The following RTN3 variants were observed in gnomAD, a reference collection of about 807,000 sequenced individuals.
RTN3 encodes reticulon 3.
Under a neutral mutation model 77.8 loss-of-function variants are expected in RTN3, and 49 were observed. The ratio of observed to expected loss-of-function variants is 0.63; its 90% CI spans 0.50 to 0.80. The LOEUF is 0.80. Ranked by LOEUF, RTN3 falls within the 30% of genes least tolerant of loss-of-function variation. The pLI is 0.00. For synonymous variants in RTN3, 464 were observed against 446.9 expected (o/e 1.04, Z -0.48); for missense variants, 1,236 against 1,211.9 (o/e 1.02, Z -0.29).
At chr11:63,703,894 A>C (rs941946565) in intron 1 of RTN3, among the ~76,000 whole-genome samples, 6 of 152,086 alleles carry the variant, frequency 3.9e-5, no homozygotes, top group African/African-American at 9.7e-5. Context: ...TATTCTTAGA[A>C]GTGTAACTGT....
At chr11:63,684,129 G>GTTTTTTT (rs61663789) in intron 1 of RTN3, among the ~76,000 whole-genome samples, 2 of 85,254 alleles carry the variant, frequency 2.3e-5, no homozygotes, top group Non-Finnish European at 2.0e-5. Context: ...TTTTCTTTTG[G>GTTTTTTT]TTTTTTTTTT....
intron 1 of RTN3, among the ~76,000 whole-genome samples, chr11:63,688,570 T>C (rs1266696206): frequency 6.6e-6 from 1 of 152,088 alleles, no homozygotes; most frequent in Non-Finnish European, 1.5e-5. Context: ...AATTCACAAG[T>C]AATGGAACCA....
chr11:63,738,143 T>C (rs2013251729), intron 3 of RTN3, among the ~76,000 whole-genome samples: 2 of 152,256 alleles, frequency 1.3e-5, no homozygotes, highest in Admixed American at 1.3e-4. Context: ...TCTGCATCTT[T>C]GTCTTTACAT....
chr11:63,681,800 C>A (rs747295910), intron 1 of RTN3, 22 bp downstream of exon 1: 1 of 1,535,656 alleles, frequency 6.5e-7, no homozygotes, highest in South Asian at 1.2e-5. Context: ...GGGGAGCCCC[C>A]GCCCTGGGAA....
intron 1 of RTN3, among the ~76,000 whole-genome samples, chr11:63,693,518 T>C (rs1002577696): frequency 1.3e-4 from 20 of 152,204 alleles, no homozygotes; most frequent in African/African-American, 4.6e-4. Context: ...TTTCACAGGG[T>C]TCATGAACTG....
intron 6 of RTN3, 30 bp from the exon 7 acceptor site, chr11:63,753,632 C>G (rs749180565): frequency 6.2e-7 from 1 of 1,605,084 alleles, no homozygotes. Context: ...CTCATATACA[C>G]TTGCCATGTC....
intron 1 of RTN3, among the ~76,000 whole-genome samples, chr11:63,698,197 C>T (rs1181037821): frequency 6.6e-6 from 1 of 151,812 alleles, no homozygotes; most frequent in Non-Finnish European, 1.5e-5. Context: ...AATCTCAGCT[C>T]ACTGCCACCT....
intron 3 of RTN3, among the ~76,000 whole-genome samples, chr11:63,732,434 TA>T (rs1455619717): frequency 1.3e-5 from 2 of 151,740 alleles, no homozygotes; most frequent in Non-Finnish European, 2.9e-5. Context: ...CTTGGCCTCC[TA>T]AAGCGCTGAG....
intron 3 of RTN3, among the ~76,000 whole-genome samples, chr11:63,724,051 G>A (rs1285299259): frequency 2.0e-5 from 3 of 152,014 alleles, no homozygotes; most frequent in African/African-American, 7.2e-5. Context: ...AGATTGGCAG[G>A]ATGCAAGGAA....
intron 1 of RTN3, among the ~76,000 whole-genome samples, chr11:63,687,824 G>A (rs1941452301): frequency 6.6e-6 from 1 of 152,124 alleles, no homozygotes; most frequent in African/African-American, 2.4e-5. Context: ...CATATTAATA[G>A]ATACCACATA....
At position 63,747,590 on chromosome 11, in the gene RTN3, T is replaced by C. The variant is rs142309055; in HGVS notation, c.2531-2401T>C. Reference sequence around the variant, plus strand: ...TACAATCAGCATATTTTTAGTGTTTTATTGAATCAAGTTAAGGTTCTTTGG... The same window carrying C: ...TACAATCAGCATATTTTTAGTGTTTCATTGAATCAAGTTAAGGTTCTTTGG... On this transcript the variant is annotated intron_variant, in intron 3 of 8. Coordinates refer to ENST00000377819, the MANE Select transcript of RTN3 (RefSeq NM_001265589.2). Among the ~76,000 whole-genome samples the C allele has an allele frequency of 3.7e-3, 560 of 152,348 alleles. 1 individual carries two copies. Among genetic ancestry groups the C allele is most frequent in the Non-Finnish European group, 4.5e-3 (305 of 68,022 alleles).
chr11:63,695,616 A>G (rs576450459), intron 1 of RTN3, among the ~76,000 whole-genome samples: 1 of 152,346 alleles, frequency 6.6e-6, no homozygotes, highest in East Asian at 1.9e-4. Flanking sequence ...TACTCTTGAT[A>G]TGCTGTGATG....
At chr11:63,717,478 C>T (rs2011482193) in intron 2 of RTN3, among the ~76,000 whole-genome samples, 1 of 144,688 alleles carries the variant, frequency 6.9e-6, no homozygotes, top group South Asian at 2.2e-4. Flanking sequence ...ATGTCTGCCT[C>T]CTGGGTTCAA....
At chr11:63,725,440 TTTTCC>T (rs2012179707) in intron 3 of RTN3, among the ~76,000 whole-genome samples, 1 of 151,828 alleles carries the variant, frequency 6.6e-6, no homozygotes, top group Non-Finnish European at 1.5e-5. Context: ...TTCTTTTTTT[TTTTCC>T]TTTTTCTTTT....
At chr11:63,703,314 A>G (rs542553813) in intron 1 of RTN3, among the ~76,000 whole-genome samples, 2 of 152,082 alleles carry the variant, frequency 1.3e-5, no homozygotes, top group Non-Finnish European at 2.9e-5. Flanking sequence ...TTTAGAACCA[A>G]TCCCCCTCAG....
At chr11:63,736,654 C>T (rs1013469887) in intron 3 of RTN3, among the ~76,000 whole-genome samples, 2 of 152,166 alleles carry the variant, frequency 1.3e-5, no homozygotes, top group Non-Finnish European at 2.9e-5. Flanking sequence ...CACCACTGCA[C>T]TCCAGCCTGG....
At chr11:63,732,128 C>G (rs2012737868) in intron 3 of RTN3, among the ~76,000 whole-genome samples, 1 of 151,918 alleles carries the variant, frequency 6.6e-6, no homozygotes, top group South Asian at 2.1e-4. Flanking sequence ...TTAACAAAGC[C>G]AAAATTTGGT....
At chr11:63,732,462 A>G (rs1327753317) in intron 3 of RTN3, among the ~76,000 whole-genome samples, 1 of 152,016 alleles carries the variant, frequency 6.6e-6, no homozygotes, top group African/African-American at 2.4e-5. Flanking sequence ...GGTGTGAGCC[A>G]CTTTTGGCCA....
chr11:63,702,217 TTTTA>T (rs1942269753), intron 1 of RTN3, among the ~76,000 whole-genome samples: 3 of 152,140 alleles, frequency 2.0e-5, no homozygotes, highest in Admixed American at 6.5e-5. Flanking sequence ...CACATGGCTT[TTTTA>T]TTCTTTTTTC....
Sources: allele counts gnomAD v4.1 joint callset (sites outside exome capture counted in the v4.1 genomes callset), GRCh38; gene constraint gnomAD v4.1.1; transcripts MANE v1.5; gene names NCBI Gene and HGNC (gene_info 2026-07-23, HGNC 2026-07-21).